The following FGF2 variants were observed in gnomAD, a reference collection of about 807,000 sequenced individuals.
The protein encoded by FGF2 is basic fibroblast growth factor bFGF.
In FGF2, 13 loss-of-function variants were observed where a neutral mutation model predicts 15.9. That is an observed-to-expected ratio of 0.82 (90% CI 0.53 to 1.30). The LOEUF (loss-of-function observed/expected upper bound fraction) is 1.30, where lower values mean the gene tolerates loss of function less well. FGF2 is among the 50% of genes most tolerant of loss of function. The pLI is 0.00. For synonymous variants in FGF2, 90 were observed against 78.4 expected, an observed-to-expected ratio of 1.15 and a Z score of -0.78; for missense variants, 163 against 196.9, an observed-to-expected ratio of 0.83 and a Z score of 1.03.
At chr4:122,844,185 A>G (rs939643828) in intron 1 of FGF2, among the ~76,000 whole-genome samples, 5 of 152,222 alleles carry the variant, frequency 3.3e-5, no homozygotes, top group Non-Finnish European at 5.9e-5. Context: ...TCAACAATAC[A>G]TATAGCATCT....
At chr4:122,878,667 A>G (rs1726904657) in intron 2 of FGF2, among the ~76,000 whole-genome samples, 1 of 152,194 alleles carries the variant, frequency 6.6e-6, no homozygotes, top group Admixed American at 6.5e-5. Flanking sequence ...AATGGACTTG[A>G]GGGGGCCAAG....
intron 1 of FGF2, among the ~76,000 whole-genome samples, chr4:122,861,456 T>G (rs1242305570): frequency 1.3e-5 from 2 of 152,172 alleles, no homozygotes. Flanking sequence ...GACCTATTTC[T>G]GAACTATTTG....
chr4:122,868,253 T>G (rs1031165460), intron 1 of FGF2, among the ~76,000 whole-genome samples: 1 of 152,104 alleles, frequency 6.6e-6, no homozygotes, highest in African/African-American at 2.4e-5. Flanking sequence ...TGACCCATCC[T>G]CTAAGTTCCC....
intron 2 of FGF2, among the ~76,000 whole-genome samples, chr4:122,881,178 T>C (rs1207619084): frequency 6.6e-6 from 1 of 152,162 alleles, no homozygotes; most frequent in Non-Finnish European, 1.5e-5. Flanking sequence ...ATTTTTTCCT[T>C]GTAAACCTCT....
At chr4:122,847,771 G>A (rs956848741) in intron 1 of FGF2, among the ~76,000 whole-genome samples, 1 of 152,216 alleles carries the variant, frequency 6.6e-6, no homozygotes, top group Non-Finnish European at 1.5e-5. Flanking sequence ...CAAAGCTAAT[G>A]TTGTGGTTCA....
chr4:122,886,623 C>T (rs62322257), intron 2 of FGF2, among the ~76,000 whole-genome samples: 24,324 of 152,004 alleles, frequency 0.16, 2,460 homozygotes, highest in East Asian at 0.45. Flanking sequence ...AGTTACAATC[C>T]AATACTACAT....
chr4:122,851,981 T>TA (rs1560743686), intron 1 of FGF2, among the ~76,000 whole-genome samples: 2 of 152,238 alleles, frequency 1.3e-5, no homozygotes, highest in Non-Finnish European at 2.9e-5. Context: ...CATGATAATA[T>TA]AGGCAGTGTG....
chr4:122,828,369 A>G (rs1033025036), intron 1 of FGF2, among the ~76,000 whole-genome samples: 3 of 152,240 alleles, frequency 2.0e-5, no homozygotes, highest in African/African-American at 7.2e-5. Flanking sequence ...AGTGAGAGAA[A>G]GAGGACTAGA....
intron 1 of FGF2, among the ~76,000 whole-genome samples, chr4:122,875,199 A>G (rs1413099981): frequency 1.3e-5 from 2 of 152,134 alleles, no homozygotes; most frequent in African/African-American, 4.8e-5. Context: ...TTTTTATTTC[A>G]ATTAATTAGG....
Position 122,892,661 on chromosome 4 carries a change from C to T in FGF2, c.*265C>T. On this transcript the variant is annotated 3_prime_UTR_variant, in exon 3 of 3. Coordinates refer to ENST00000644866, the MANE Select transcript of FGF2 (RefSeq NM_001361665.2). ...AGCAATGATCTTTTTCACGCATTTG[C>T]TTTATTCGAAAAGAGGCTTTTAAAA... The T allele has an allele frequency of 7.2e-7, 1 of 1,395,962 alleles. No individual in the cohort carries two copies. Among genetic ancestry groups the T allele is most frequent in the East Asian group, 2.5e-5 (1 of 39,664 alleles). The allele number at this position is 1,395,962 out of a possible 1,614,324, so 86.5% of individuals were successfully genotyped here.
At chr4:122,842,647 A>G (rs1372342745) in intron 1 of FGF2, among the ~76,000 whole-genome samples, 1 of 152,204 alleles carries the variant, frequency 6.6e-6, no homozygotes, top group East Asian at 1.9e-4. Context: ...GAGGTTCCTT[A>G]GGAGAAACTT....
intron 1 of FGF2, among the ~76,000 whole-genome samples, chr4:122,861,806 C>A (rs149884971): frequency 6.6e-6 from 1 of 152,154 alleles, no homozygotes; most frequent in African/African-American, 2.4e-5. Context: ...GCTGGAAGTT[C>A]CTTAGATGTG....
intron 1 of FGF2, among the ~76,000 whole-genome samples, chr4:122,851,166 C>G (rs566107773): frequency 2.2e-4 from 34 of 152,116 alleles, no homozygotes; most frequent in Non-Finnish European, 4.3e-4. Flanking sequence ...TGGCATGCTT[C>G]AAAGGGGCAG....
intron 1 of FGF2, among the ~76,000 whole-genome samples, chr4:122,840,172 G>A (rs1333836309): frequency 6.6e-6 from 1 of 152,134 alleles, no homozygotes; most frequent in East Asian, 1.9e-4. Context: ...TTCAACATGA[G>A]TTCGGGGAAC....
At chr4:122,853,247 A>C (rs1157909169) in intron 1 of FGF2, among the ~76,000 whole-genome samples, 2 of 152,224 alleles carry the variant, frequency 1.3e-5, no homozygotes, top group East Asian at 1.9e-4. Flanking sequence ...GCAGTGAGCC[A>C]TGATCATGCT....
intron 2 of FGF2, among the ~76,000 whole-genome samples, chr4:122,890,494 C>T (rs1727144984): frequency 6.6e-6 from 1 of 152,162 alleles, no homozygotes; most frequent in South Asian, 2.1e-4. Flanking sequence ...AGTAAATATC[C>T]AGTAAAATTC....
intron 1 of FGF2, among the ~76,000 whole-genome samples, chr4:122,850,393 C>T (rs80131379): frequency 0.011 from 1,707 of 152,274 alleles, 30 homozygotes; most frequent in African/African-American, 0.039. Context: ...TAAGAGATTT[C>T]GATTCAGAGC....
chr4:122,852,724 G>T (rs1726260740), intron 1 of FGF2, among the ~76,000 whole-genome samples: 2 of 151,968 alleles, frequency 1.3e-5, no homozygotes. Context: ...TTTTTCCACT[G>T]CTCATTTTTT....
intron 1 of FGF2, among the ~76,000 whole-genome samples, chr4:122,875,444 AAATCCCATATAGAAAG>A: frequency 6.7e-6 from 1 of 150,246 alleles, no homozygotes; most frequent in East Asian, 2.0e-4. Flanking sequence ...ATAGACATCA[AAATCCCATATAGAAAG>A]CTAAATGCAT....
Sources: gnomAD v4.1 joint callset for allele counts (sites outside exome capture counted in the v4.1 genomes callset) on GRCh38, gnomAD v4.1.1 for gene constraint, MANE v1.5 for transcripts, NCBI Gene and HGNC (gene_info 2026-07-23, HGNC 2026-07-21) for gene names.